The following INTS4 variants were observed in gnomAD, a reference collection of about 807,000 sequenced individuals.
INTS4 encodes the protein MSTP093.
Under a neutral mutation model 119.5 loss-of-function variants are expected in INTS4, and 70 were observed. That is an observed-to-expected ratio of 0.59 (90% CI 0.48 to 0.71). The LOEUF is 0.71. Among genes scored for constraint, INTS4 ranks in the 30% least tolerant of loss-of-function variants. The pLI is 0.00. For synonymous variants in INTS4, 316 were observed against 419.6 expected (o/e 0.75, Z 3.02); for missense variants, 867 against 1,173.2 (o/e 0.74, Z 3.81).
chr11:77,988,441 T>C (rs761388251), intron 2 of INTS4, among the ~76,000 whole-genome samples: 1 of 152,068 alleles, frequency 6.6e-6, no homozygotes, highest in Non-Finnish European at 1.5e-5. Flanking sequence ...AACATAAAAA[T>C]CCCTGCTCAA....
intron 12 of INTS4, among the ~76,000 whole-genome samples, chr11:77,923,766 GTT>G (rs201749638): frequency 0.014 from 1,922 of 136,238 alleles, 19 homozygotes; most frequent in Non-Finnish European, 0.022. Context: ...ATTGTTTATG[GTT>G]TTTTTTTTTT....
At chr11:77,931,802 T>A (rs1407250374) in intron 10 of INTS4, among the ~76,000 whole-genome samples, 1 of 152,208 alleles carries the variant, frequency 6.6e-6, no homozygotes, top group Non-Finnish European at 1.5e-5. Context: ...TACAACCATC[T>A]GATCTTTCAC....
At chr11:77,880,836 A>AG (rs1167286208) in intron 22 of INTS4, among the ~76,000 whole-genome samples, 1 of 152,148 alleles carries the variant, frequency 6.6e-6, no homozygotes, top group Non-Finnish European at 1.5e-5. Context: ...CTCAGTTACT[A>AG]GGGGGACTGA....
chr11:77,929,354 A>T (rs1379474840), intron 10 of INTS4, among the ~76,000 whole-genome samples: 2 of 152,138 alleles, frequency 1.3e-5, no homozygotes, highest in Non-Finnish European at 2.9e-5. Flanking sequence ...ACGTCGATCT[A>T]AGAACATGGA....
chr11:77,961,235 T>C (rs565422023), intron 4 of INTS4, 97 bp from the exon 5 acceptor site: 51 of 1,397,510 alleles, frequency 3.6e-5, no homozygotes, highest in African/African-American at 3.1e-4. Flanking sequence ...AACAAAAGCA[T>C]TGCAGCAACC....
chr11:77,897,654 C>T (rs1193018834), intron 18 of INTS4, among the ~76,000 whole-genome samples: 2 of 145,302 alleles, frequency 1.4e-5, no homozygotes, highest in African/African-American at 5.3e-5. Flanking sequence ...GCACCTGCCA[C>T]CACGCCCGGC....
intron 4 of INTS4, among the ~76,000 whole-genome samples, chr11:77,967,033 T>C (rs146365073): frequency 1.3e-5 from 2 of 152,260 alleles, no homozygotes; most frequent in Non-Finnish European, 2.9e-5. Context: ...GCTATCCTAA[T>C]GGGTATGAAG....
rs939265638 is a variant in INTS4 at position 77,937,763 on chromosome 11, T to TG, written c.1165+887dup. ...TGTCTCAAAAAACAAAAAAGTCTCT[T>TG]GGAAAAAAAAAACTTATTAATCTAG... On this transcript the variant is annotated intron_variant, in intron 10 of 22. Coordinates refer to ENST00000534064, the MANE Select transcript of INTS4 (RefSeq NM_033547.4). Among the ~76,000 whole-genome samples, 95 of 151,726 alleles carry TG rather than the reference T, an allele frequency of 6.3e-4. 2 individuals are homozygous for TG. Among genetic ancestry groups the TG allele is most frequent in the African/African-American group, 2.3e-3 (94 of 41,440 alleles).
intron 20 of INTS4, 105 bp from the exon 21 acceptor site, chr11:77,891,567 C>A (rs1952268944): frequency 1.3e-6 from 2 of 1,561,982 alleles, no homozygotes; most frequent in Non-Finnish European, 1.7e-6. Flanking sequence ...CATGTGGGAG[C>A]CACTCAGAGG....
intron 10 of INTS4, among the ~76,000 whole-genome samples, chr11:77,937,017 A>C (rs927768485): frequency 2.0e-5 from 3 of 152,146 alleles, no homozygotes; most frequent in Non-Finnish European, 2.9e-5. Flanking sequence ...TCTACTAAAA[A>C]TACAGAAATT....
rs148695757 is a variant in INTS4 at position 77,991,240 on chromosome 11, T to A, written c.114A>T (p.Ala38=). ...TAGCTTTACACAGATCTATGTGGAG[T>A]GCTGCAGATTTACTTGGTTTTGTTA... ...LRLTKPSKSA[A]LHIDLCKATS... Residue 38 remains alanine (A), a synonymous_variant, in exon 2 of 23, where the codon GCA becomes GCT. Transcript: ENST00000534064. The A allele has an allele frequency of 1.2e-4, 199 of 1,613,970 alleles. 2 individuals carry two copies. The African/African-American group carries it at 2.4e-3, about 19-fold the overall frequency.
Position 77,991,098 on chromosome 11 carries a change from A to T in INTS4, c.246+10T>A. 1 of 1,611,380 alleles carries T rather than the reference A, an allele frequency of 6.2e-7. No homozygotes were observed. The highest frequency in any genetic ancestry group is 8.5e-7 in the Non-Finnish European group (1 of 1,177,778). On this transcript the variant is annotated intron_variant, in intron 2 of 22. Coordinates refer to ENST00000534064, the MANE Select transcript of INTS4 (RefSeq NM_033547.4). The stretch of plus-strand genomic sequence containing the variant: ...GATATACTCCCATCAGATCCTCAAG[A>T]TTTTCTTACCTTGTAATAATGTTCC...
chr11:77,884,697 C>G lies in INTS4; in HGVS notation c.2593-745G>C. Reference sequence around the variant, plus strand: ...GGAAGGCATGTCTCACCCACTTGCCCTATAATCCTTCATCTCTCCTCAGGT... The same window carrying G: ...GGAAGGCATGTCTCACCCACTTGCCGTATAATCCTTCATCTCTCCTCAGGT... On this transcript the variant is annotated intron_variant, in intron 21 of 22. Coordinates refer to ENST00000534064, the MANE Select transcript of INTS4 (RefSeq NM_033547.4). The G allele has an allele frequency of 1.6e-5, 4 of 250,036 alleles. No individual in the cohort carries two copies. In the Admixed American group the frequency reaches 1.6e-4, roughly 10 times the overall value. The allele number at this position is 250,036 out of a possible 1,614,324, so 15.5% of individuals were successfully genotyped here. A position where few individuals can be genotyped will look rare whatever the true frequency, so the allele number is the denominator to read the frequency against.
chr11:77,878,904 C>A lies in INTS4; in HGVS notation c.*45G>T. ...CTTCAGGCTTGGCTCATTCTGACACCTAAGAAGGGCCCTCTAGGCCACGGT... is the reference window on the plus strand; with the variant it reads ...CTTCAGGCTTGGCTCATTCTGACACATAAGAAGGGCCCTCTAGGCCACGGT... On this transcript the variant is annotated 3_prime_UTR_variant, in exon 23 of 23. Transcript: ENST00000534064. 6.7e-7 allele frequency: 1 copy of A among 1,501,070 alleles called. No homozygotes were observed. Among genetic ancestry groups the A allele is most frequent in the Non-Finnish European group, 9.3e-7 (1 of 1,078,008 alleles). The allele number at this position is 1,501,070 out of a possible 1,614,324, so 93.0% of individuals were successfully genotyped here.
chr11:77,885,443 T>G (rs993937860), intron 21 of INTS4, among the ~76,000 whole-genome samples: 1 of 151,778 alleles, frequency 6.6e-6, no homozygotes, highest in Non-Finnish European at 1.5e-5. Flanking sequence ...AAACCTACTA[T>G]AGGAAAAAAA....
chr11:77,990,070 T>C (rs1404038454), intron 2 of INTS4, among the ~76,000 whole-genome samples: 2 of 150,784 alleles, frequency 1.3e-5, no homozygotes, highest in Non-Finnish European at 3.0e-5. Context: ...ACAAAAAAAA[T>C]TAGCTGGGTG....
Position 77,993,093 on chromosome 11 carries a change from A to G in INTS4, c.54+1497T>C, listed in dbSNP as rs191058959. Among the ~76,000 whole-genome samples, 369 of 152,338 alleles carry G rather than the reference A, an allele frequency of 2.4e-3. 4 individuals are homozygous for G. Among genetic ancestry groups the G allele is most frequent in the African/African-American group, 8.5e-3 (354 of 41,574 alleles). The stretch of plus-strand genomic sequence containing the variant: ...TAAGTATTATATAAGGGAGAGGACA[A>G]GCAATATCAACTGTCATTCAACCAC... On this transcript the variant is annotated intron_variant, in intron 1 of 22. Coordinates refer to ENST00000534064, the MANE Select transcript of INTS4 (RefSeq NM_033547.4).
intron 4 of INTS4, among the ~76,000 whole-genome samples, chr11:77,970,952 C>A (rs540562200): frequency 6.6e-6 from 1 of 151,982 alleles, no homozygotes; most frequent in Non-Finnish European, 1.5e-5. Context: ...GGATTACAGG[C>A]GCCCACCACC....
At chr11:77,881,130 A>T (rs1312585020) in intron 22 of INTS4, among the ~76,000 whole-genome samples, 1 of 152,200 alleles carries the variant, frequency 6.6e-6, no homozygotes, top group East Asian at 1.9e-4. Context: ...GAAGGAGACA[A>T]GATCATCTAG....
Sources: allele counts gnomAD v4.1 joint callset (sites outside exome capture counted in the v4.1 genomes callset), GRCh38; gene constraint gnomAD v4.1.1; transcripts MANE v1.5; gene names NCBI Gene and HGNC (gene_info 2026-07-23, HGNC 2026-07-21).